Variants in LTBP1 observed in about 807,000 individuals in gnomAD.
LTBP1 encodes latent transforming growth factor beta binding protein 1, also known as latent-transforming growth factor beta-binding protein 1.
In LTBP1, 129 loss-of-function variants were observed where a neutral mutation model predicts 207.6. The ratio of observed to expected loss-of-function variants is 0.62; its 90% CI spans 0.54 to 0.72. The LOEUF is 0.72. Among genes scored for constraint, LTBP1 ranks in the 30% least tolerant of loss-of-function variants. The pLI, the probability that LTBP1 is intolerant of heterozygous loss-of-function variation, is 0.00. For synonymous variants in LTBP1, 963 were observed against 833.7 expected (o/e 1.16, Z -2.67); for missense variants, 2,281 against 2,217.2 (o/e 1.03, Z -0.58).
chr2:33,112,092 T>C (rs2080445740), intron 4 of LTBP1, among the ~76,000 whole-genome samples: 1 of 152,214 alleles, frequency 6.6e-6, no homozygotes, highest in Admixed American at 6.5e-5. Flanking sequence ...TTAAAAGATC[T>C]CCCAAATCAG....
Position 33,213,245 on chromosome 2 carries a change from G to A in LTBP1, c.1702-4307G>A, listed in dbSNP as rs572207133. The stretch of plus-strand genomic sequence containing the variant: ...GGATTTTTGTTTTGGATTTGATTTA[G>A]CTAAATATTGGGTTGTAAATTTAGC... On this transcript the variant is annotated intron_variant, in intron 7 of 33. Coordinates refer to ENST00000404816, the MANE Select transcript of LTBP1 (RefSeq NM_206943.4). Among the ~76,000 whole-genome samples, 8 of 152,202 alleles carry A rather than the reference G, an allele frequency of 5.3e-5. No individual in the cohort carries two copies. The South Asian group carries it at 1.2e-3, about 24-fold the overall frequency.
chr2:33,339,109 A>C (rs1241719225), intron 24 of LTBP1, among the ~76,000 whole-genome samples: 1 of 152,122 alleles, frequency 6.6e-6, no homozygotes, highest in Non-Finnish European at 1.5e-5. Context: ...CAGGAAAGAT[A>C]GTAAAGACGG....
intron 24 of LTBP1, among the ~76,000 whole-genome samples, chr2:33,319,919 A>G (rs918290244): frequency 2.0e-5 from 3 of 152,202 alleles, no homozygotes; most frequent in Non-Finnish European, 4.4e-5. Flanking sequence ...TCTTTTAGAA[A>G]GCATCCTCAT....
intron 17 of LTBP1, among the ~76,000 whole-genome samples, chr2:33,275,457 G>T (rs575118482): frequency 4.6e-5 from 7 of 152,284 alleles, no homozygotes; most frequent in African/African-American, 1.7e-4. Context: ...GGCCGAGCCT[G>T]GCGGATCACC....
intron 11 of LTBP1, among the ~76,000 whole-genome samples, chr2:33,254,117 C>T (rs1328549380): frequency 4.6e-5 from 7 of 151,760 alleles, no homozygotes; most frequent in Admixed American, 6.6e-5. Context: ...CTCCTGACCT[C>T]GTGGTCTGCC....
intron 3 of LTBP1, among the ~76,000 whole-genome samples, chr2:33,053,502 G>T (rs1414959920): frequency 6.6e-6 from 1 of 151,984 alleles, no homozygotes; most frequent in Admixed American, 6.6e-5. Flanking sequence ...CGCAGCCCTC[G>T]CTCGCTCTCG....
At chr2:33,136,421 C>G (rs1225398961) in intron 5 of LTBP1, among the ~76,000 whole-genome samples, 1 of 152,154 alleles carries the variant, frequency 6.6e-6, no homozygotes, top group East Asian at 1.9e-4. Context: ...ATTTAATGAC[C>G]TCTAAAATTT....
intron 5 of LTBP1, among the ~76,000 whole-genome samples, chr2:33,177,679 C>G (rs1274866525): frequency 6.6e-6 from 1 of 151,838 alleles, no homozygotes; most frequent in African/African-American, 2.4e-5. Flanking sequence ...AAGAAAGAAA[C>G]AAAGAAAGAA....
At chr2:33,275,442 TG>T (rs2093405255) in intron 17 of LTBP1, among the ~76,000 whole-genome samples, 1 of 152,074 alleles carries the variant, frequency 6.6e-6, no homozygotes, top group Non-Finnish European at 1.5e-5. Flanking sequence ...CCCAGCACTT[TG>T]GGAGGCCGAG....
chr2:33,056,629 G>T (rs1257924851), intron 3 of LTBP1: 1 of 247,662 alleles, frequency 4.0e-6, no homozygotes, highest in Non-Finnish European at 7.9e-6. Flanking sequence ...TCCGGAGTTT[G>T]TTCCTTCTGA....
At chr2:33,037,184 T>C (rs2075966939) in intron 3 of LTBP1, among the ~76,000 whole-genome samples, 1 of 151,924 alleles carries the variant, frequency 6.6e-6, no homozygotes, top group Non-Finnish European at 1.5e-5. Flanking sequence ...TAAAAAAAAT[T>C]ATAAAAAACT....
At chr2:33,030,059 A>G (rs760572072) in intron 3 of LTBP1, among the ~76,000 whole-genome samples, 2 of 152,194 alleles carry the variant, frequency 1.3e-5, no homozygotes, top group Non-Finnish European at 2.9e-5. Flanking sequence ...CAGTGCTTTC[A>G]GAGCACTGCC....
chr2:32,965,620 A>G (rs1269107574), intron 2 of LTBP1, among the ~76,000 whole-genome samples: 1 of 152,214 alleles, frequency 6.6e-6, no homozygotes, highest in Non-Finnish European at 1.5e-5. Context: ...AGTAATAGCC[A>G]CTTAAAGTTC....
At chr2:33,098,760 A>G (rs946511405) in intron 3 of LTBP1, among the ~76,000 whole-genome samples, 5 of 152,136 alleles carry the variant, frequency 3.3e-5, no homozygotes, top group Admixed American at 2.6e-4. Flanking sequence ...TTTACTTTAT[A>G]AAGTCAATAT....
intron 31 of LTBP1, 118 bp from the exon 32 acceptor site, chr2:33,389,066 A>G: frequency 1.4e-6 from 2 of 1,389,618 alleles, no homozygotes; most frequent in Non-Finnish European, 2.0e-6. Context: ...GGTACGCAGG[A>G]GATGGAGACA....
At chr2:33,288,854 C>CA (rs200975631) in intron 19 of LTBP1, among the ~76,000 whole-genome samples, 871 of 72,598 alleles carry the variant, frequency 0.012, 6 homozygotes, top group African/African-American at 0.03. Context: ...GACTCTGTCT[C>CA]AAAAAAAAAA....
At chr2:33,366,599 C>T (rs2094990985) in intron 31 of LTBP1, among the ~76,000 whole-genome samples, 1 of 152,200 alleles carries the variant, frequency 6.6e-6, no homozygotes, top group Non-Finnish European at 1.5e-5. Context: ...GGTCTGGGGC[C>T]AGTTGGCACT....
At position 33,217,444 on chromosome 2, in the gene LTBP1, C is replaced by T. The variant is rs1005025693; in HGVS notation, c.1702-108C>T. 4.9e-5 allele frequency: 30 copies of T among 614,640 alleles called. No homozygotes were observed. The Admixed American group carries it at 5.1e-4, about 10-fold the overall frequency. 38.1% of individuals were successfully genotyped at this position (614,640 alleles called of 1,614,324 possible). On this transcript the variant is annotated intron_variant, in intron 7 of 33. Transcript: ENST00000404816. ...TAGTTTTTTTCCTTTCTAATTGTGT[C>T]GATAACAAGGGAACTGGTTTATAGC...
rs898045506 is a variant in LTBP1, at chr2:33,125,819, G to T, written c.1034-8974G>T. Among the ~76,000 whole-genome samples, 6 of 132,782 alleles carry T rather than the reference G, an allele frequency of 4.5e-5. No individual in the cohort carries two copies. In the Admixed American group the frequency reaches 4.8e-4, roughly 11 times the overall value. The allele number at this position is 132,782 out of a possible 152,430, so 87.1% of individuals were successfully genotyped here. ...CACTCCAGCCTGGGCAACAGAGCAA[G>T]ACTCCGTCTCAAAAAAAAAAAAAAA... is the stretch of plus-strand genomic sequence containing the variant. On this transcript the variant is annotated intron_variant, in intron 4 of 33. Coordinates refer to ENST00000404816, the MANE Select transcript of LTBP1 (RefSeq NM_206943.4).
Sources: allele counts gnomAD v4.1 joint callset (sites outside exome capture counted in the v4.1 genomes callset), GRCh38; gene constraint gnomAD v4.1.1; transcripts MANE v1.5; gene names NCBI Gene and HGNC (gene_info 2026-07-23, HGNC 2026-07-21).